Variants in SEPTIN9 observed in about 807,000 individuals in gnomAD.
The protein encoded by SEPTIN9 is septin-9.
A neutral mutation model predicts 56.6 loss-of-function variants in SEPTIN9; 13 were observed. The observed-to-expected ratio is 0.23, with a 90% CI of 0.15 to 0.37. The LOEUF (loss-of-function observed/expected upper bound fraction) is 0.37, where lower values mean the gene tolerates loss of function less well. Among genes scored for constraint, SEPTIN9 ranks in the 10% least tolerant of loss-of-function variants. SEPTIN9 has a pLI of 1.00. For missense variants in SEPTIN9, 650 were observed against 823.1 expected, an observed-to-expected ratio of 0.79 and a Z score of 2.57; for synonymous variants, 332 against 334.1, an observed-to-expected ratio of 0.99 and a Z score of 0.07.
intron 2 of SEPTIN9, among the ~76,000 whole-genome samples, chr17:77,383,171 T>C (rs2035207494): frequency 2.3e-5 from 1 of 43,076 alleles, no homozygotes; most frequent in Admixed American, 1.6e-4. Context: ...CCTCTTTCTC[T>C]CCCTCCCTCC....
chr17:77,418,711 A>T (rs779507035), intron 3 of SEPTIN9, among the ~76,000 whole-genome samples: 1 of 152,084 alleles, frequency 6.6e-6, no homozygotes, highest in African/African-American at 2.4e-5. Context: ...CTCACGGCCC[A>T]TTGATGTCTC....
chr17:77,299,262 A>T (rs1358130821), intron 1 of SEPTIN9, among the ~76,000 whole-genome samples: 2 of 152,230 alleles, frequency 1.3e-5, no homozygotes, highest in African/African-American at 2.4e-5. Context: ...CTAAGAATTT[A>T]AAAAAGCTGT....
intron 10 of SEPTIN9, 34 bp from the exon 11 acceptor site, chr17:77,497,281 G>T (rs1287261314): frequency 6.2e-7 from 1 of 1,605,148 alleles, no homozygotes. Flanking sequence ...TTTCTCCACT[G>T]GGACATTAAA....
chr17:77,464,651 AG>A (rs1465354123), intron 3 of SEPTIN9, among the ~76,000 whole-genome samples: 5 of 149,736 alleles, frequency 3.3e-5, no homozygotes, highest in Admixed American at 1.3e-4. Context: ...CCCAGGCTGG[AG>A]TGCAGTGGCG....
At position 77,402,578 on chromosome 17, in the gene SEPTIN9, C is replaced by T. The variant is rs2035937847; in HGVS notation, c.596C>T (p.Pro199Leu). The change falls in exon 3 of 12, where the codon CCC becomes CTC. Residue 199 changes from proline to leucine, a missense_variant. Pro to Leu is a moderately conservative substitution (Grantham distance 98). Around this residue, in one of 2 missense-constraint regions of SEPTIN9, gnomAD observed 317 missense variants for 329.1 expected, o/e 0.96. Coordinates refer to ENST00000427177, the MANE Select transcript of SEPTIN9 (RefSeq NM_001113491.2). This position sits in a 1 kb window ranked among gnomAD's most constrained non-coding sequence, Gnocchi z 6.6. ...CAGATGCCCAAGCCTGCTGAGGCGC[C>T]CACCGCCCCCAGCCCAGCCCAGACC... The part of the protein sequence containing the change: ...EIQMPKPAEA[P>L]TAPSPAQTLE... 1 of 1,611,534 alleles carries T rather than the reference C, an allele frequency of 6.2e-7. No homozygotes were observed. Among genetic ancestry groups the T allele is most frequent in the Non-Finnish European group, 8.5e-7 (1 of 1,179,188 alleles).
chr17:77,454,357 C>T (rs1016015041), intron 3 of SEPTIN9: 30 of 985,402 alleles, frequency 3.0e-5, no homozygotes, highest in Admixed American at 1.2e-4. Context: ...GCCCGGTTCC[C>T]GGACAGGTAG....
intron 2 of SEPTIN9, among the ~76,000 whole-genome samples, chr17:77,359,629 C>CA (rs1230322495): frequency 6.6e-6 from 1 of 151,724 alleles, no homozygotes. Flanking sequence ...CCTGTCTCTG[C>CA]AAAAAAATAT....
chr17:77,364,317 T>A (rs912566893), intron 2 of SEPTIN9, among the ~76,000 whole-genome samples: 3 of 152,188 alleles, frequency 2.0e-5, no homozygotes, highest in South Asian at 4.1e-4. Flanking sequence ...ACGGGGTGCA[T>A]GCATTTTTAT....
intron 2 of SEPTIN9, among the ~76,000 whole-genome samples, chr17:77,328,936 A>G (rs1245711168): frequency 1.3e-5 from 2 of 152,210 alleles, no homozygotes; most frequent in African/African-American, 2.4e-5. Context: ...CTGAAGCTGT[A>G]ATGACCAGAA....
At chr17:77,407,438 C>T (rs2036129236) in intron 3 of SEPTIN9, among the ~76,000 whole-genome samples, 1 of 151,962 alleles carries the variant, frequency 6.6e-6, no homozygotes, top group Admixed American at 6.6e-5. Context: ...TAGTGACCCC[C>T]ATGGGTCGTC....
chr17:77,480,894 A>G (rs1197198674), intron 3 of SEPTIN9, among the ~76,000 whole-genome samples: 1 of 152,174 alleles, frequency 6.6e-6, no homozygotes, highest in Non-Finnish European at 1.5e-5. Flanking sequence ...ACGGGGGCAC[A>G]GAACAGCAGC....
intron 1 of SEPTIN9, among the ~76,000 whole-genome samples, chr17:77,283,851 A>T (rs2031150409): frequency 6.6e-6 from 1 of 152,254 alleles, no homozygotes; most frequent in Non-Finnish European, 1.5e-5. Flanking sequence ...GAGTGGGTAC[A>T]GAAATGGTAA....
At chr17:77,328,193 A>G (rs1358673055) in intron 2 of SEPTIN9, among the ~76,000 whole-genome samples, 1 of 150,994 alleles carries the variant, frequency 6.6e-6, no homozygotes, top group Non-Finnish European at 1.5e-5. Context: ...GGGCGTCCCC[A>G]TGCCCAGGGT....
intron 3 of SEPTIN9, among the ~76,000 whole-genome samples, chr17:77,471,333 T>C (rs1041783128): frequency 1.3e-5 from 2 of 152,192 alleles, no homozygotes; most frequent in Non-Finnish European, 2.9e-5. Context: ...GGCCTGGGCA[T>C]GGGGCAGCCT....
At chr17:77,376,231 C>T in intron 2 of SEPTIN9, 1 of 986,032 alleles carries the variant, frequency 1.0e-6, no homozygotes, top group Non-Finnish European at 1.2e-6. Flanking sequence ...AGGGGCCTGC[C>T]TGTGAAGATC....
chr17:77,444,114 A>C (rs1272765367), intron 3 of SEPTIN9, among the ~76,000 whole-genome samples: 2 of 152,168 alleles, frequency 1.3e-5, no homozygotes, highest in Admixed American at 1.3e-4. Context: ...GGTTTGCGAG[A>C]CAGTAGGACC....
chr17:77,482,331 G>T lies in SEPTIN9; in HGVS notation c.909G>T (p.Val303=), dbSNP rs1244131994. The T allele has an allele frequency of 1.2e-6, 2 of 1,612,000 alleles. No homozygotes were observed. The highest frequency in any genetic ancestry group is 1.1e-5 in the South Asian group (1 of 91,072). ...MKQGFEFNIM[V]VGQSGLGKST... is the part of the protein sequence containing the mutation. ...AGGGCTTCGAGTTCAACATCATGGT[G>T]GTCGGTGAGTCCTCACCTTGCATGC... Residue 303 remains valine (V), a synonymous_variant, in exon 4 of 12, where the codon GTG becomes GTT. Coordinates refer to ENST00000427177, the MANE Select transcript of SEPTIN9 (RefSeq NM_001113491.2).
At chr17:77,430,450 C>T (rs1201418654) in intron 3 of SEPTIN9, among the ~76,000 whole-genome samples, 1 of 152,180 alleles carries the variant, frequency 6.6e-6, no homozygotes, top group Non-Finnish European at 1.5e-5. Flanking sequence ...CAAACCCTGG[C>T]TGAACCCACA....
intron 2 of SEPTIN9, among the ~76,000 whole-genome samples, chr17:77,355,853 G>A (rs1359036499): frequency 1.3e-5 from 2 of 151,284 alleles, no homozygotes; most frequent in Non-Finnish European, 3.0e-5. Context: ...GTGGTGGCGG[G>A]TGCCTGTAGT....
Sources: gnomAD v4.1 joint callset for allele counts (sites outside exome capture counted in the v4.1 genomes callset) on GRCh38, gnomAD v4.1.1 for gene constraint, gnomAD v4.1.1 regional missense constraint, Gnocchi (gnomAD v3.1) non-coding constraint, MANE v1.5 for transcripts, NCBI Gene and HGNC (gene_info 2026-07-23, HGNC 2026-07-21) for gene names.